VGLL4: variants seen among roughly 807,000 people sequenced by gnomAD.
VGLL4 encodes the protein vestigial like family member 4.
VGLL4 carries 7 observed loss-of-function variants against 21.0 expected under a neutral mutation model. The observed-to-expected ratio is 0.33, with a 90% confidence interval of 0.19 to 0.63. The LOEUF is 0.63. Ranked by LOEUF, VGLL4 falls within the 20% of genes least tolerant of loss-of-function variation. The pLI is 0.78. For missense variants in VGLL4, 394 were observed against 425.7 expected, an observed-to-expected ratio of 0.93 and a Z score of 0.66; for synonymous variants, 222 against 173.2, an observed-to-expected ratio of 1.28 and a Z score of -2.21.
intron 2 of VGLL4, among the ~76,000 whole-genome samples, chr3:11,588,994 G>A (rs773829884): frequency 9.2e-5 from 14 of 152,200 alleles, no homozygotes; most frequent in Admixed American, 6.5e-4. Context: ...GAGCCCTGGA[G>A]AATACCAATA....
intron 3 of VGLL4, among the ~76,000 whole-genome samples, chr3:11,559,753 A>C (rs1314550705): frequency 6.6e-6 from 1 of 152,136 alleles, no homozygotes; most frequent in Non-Finnish European, 1.5e-5. Context: ...GTTAAGACAA[A>C]CACCGGGCAT....
At chr3:11,573,174 A>AAGAC (rs1000092869) in intron 2 of VGLL4, among the ~76,000 whole-genome samples, 5 of 151,536 alleles carry the variant, frequency 3.3e-5, no homozygotes, top group Admixed American at 2.0e-4. Context: ...TCAAGAAAGA[A>AAGAC]AGACAGACAG....
chr3:11,672,679 G>C (rs987368389), intron 2 of VGLL4, among the ~76,000 whole-genome samples: 2 of 152,184 alleles, frequency 1.3e-5, no homozygotes, highest in African/African-American at 4.8e-5. Context: ...TCACTGTACA[G>C]GTGAGGACAC....
intron 2 of VGLL4, among the ~76,000 whole-genome samples, chr3:11,685,198 TTG>T (rs1395346378): frequency 1.9e-5 from 2 of 102,958 alleles, no homozygotes; most frequent in South Asian, 4.0e-4. Context: ...TTCCATGGTG[TTG>T]TTTTTTTTTT....
At chr3:11,646,988 T>G (rs1010264934), upstream of VGLL4, among the ~76,000 whole-genome samples, 1 of 152,238 alleles carries the variant, frequency 6.6e-6, no homozygotes, top group African/African-American at 2.4e-5. Flanking sequence ...ATCTTAATAT[T>G]AAAGAAATTT....
intron 2 of VGLL4, among the ~76,000 whole-genome samples, chr3:11,590,684 G>C (rs200851609): frequency 0.22 from 33,146 of 149,162 alleles, 4,170 homozygotes; most frequent in African/African-American, 0.33. Context: ...GTGTGTGTGT[G>C]TGTGTGTGTG....
chr3:11,582,139 C>A, intron 2 of VGLL4: 1 of 919,638 alleles, frequency 1.1e-6, no homozygotes, highest in Non-Finnish European at 1.7e-6. Flanking sequence ...AAAATCACTG[C>A]TGTCCCTTCT....
chr3:11,563,822 G>A (rs2073264134), intron 3 of VGLL4, among the ~76,000 whole-genome samples: 1 of 152,152 alleles, frequency 6.6e-6, no homozygotes, highest in African/African-American at 2.4e-5. Context: ...GAGGCAAGAT[G>A]GGCAACTGTT....
intron 2 of VGLL4, among the ~76,000 whole-genome samples, chr3:11,696,520 A>C (rs1415950300): frequency 1.3e-5 from 2 of 152,324 alleles, no homozygotes; most frequent in East Asian, 3.9e-4. Flanking sequence ...AGATCATCCC[A>C]GTGCATACAA....
chr3:11,574,785 A>AGGTGTG (rs2073981900), intron 2 of VGLL4, among the ~76,000 whole-genome samples: 1 of 121,700 alleles, frequency 8.2e-6, no homozygotes, highest in Admixed American at 8.3e-5. Context: ...TCAACTATAT[A>AGGTGTG]TGTGTGTGTG....
At chr3:11,681,751 G>T (rs887103404) in intron 2 of VGLL4, among the ~76,000 whole-genome samples, 1 of 152,240 alleles carries the variant, frequency 6.6e-6, no homozygotes, top group African/African-American at 2.4e-5. Context: ...ATGAGTGTCA[G>T]ATGCAGCCCA....
Position 11,718,630 on chromosome 3 carries a change from T to A in VGLL4, c.-14+1764A>T, listed in dbSNP as rs78260553. Among the ~76,000 whole-genome samples, 293 of 152,198 alleles carry A rather than the reference T, an allele frequency of 1.9e-3. 9 individuals carry two copies. The East Asian group carries it at 0.05, about 26-fold the overall frequency. ...AATTTTTTTTTTGTCTTTGACTATT[T>A]AGAGGAAACAACTGCCAGACTCCTT... On this transcript the variant is annotated intron_variant, in intron 1 of 5. Coordinates refer to the VGLL4 transcript ENST00000273038.
intron 1 of VGLL4, among the ~76,000 whole-genome samples, chr3:11,638,101 C>G (rs1328847252): frequency 6.6e-6 from 1 of 152,170 alleles, no homozygotes; most frequent in African/African-American, 2.4e-5. Flanking sequence ...ATCCAGTTTT[C>G]TGCAACATCC....
chr3:11,640,110 C>T (rs2075661334), intron 1 of VGLL4, among the ~76,000 whole-genome samples: 1 of 152,138 alleles, frequency 6.6e-6, no homozygotes, highest in Non-Finnish European at 1.5e-5. Flanking sequence ...ATAGAGAATA[C>T]AAGGCAGTAT....
At chr3:11,650,719 AC>A (rs2075858406) in intron 2 of VGLL4, among the ~76,000 whole-genome samples, 13 of 27,940 alleles carry the variant, frequency 4.7e-4, no homozygotes, top group Admixed American at 1.4e-3. Context: ...CACATAGAAA[AC>A]ACACACACAC....
chr3:11,597,507 T>C (rs934676448), intron 2 of VGLL4, among the ~76,000 whole-genome samples: 18 of 152,150 alleles, frequency 1.2e-4, no homozygotes, highest in Non-Finnish European at 2.5e-4. Flanking sequence ...CTTACATTTG[T>C]TTTATCTGAG....
intron 2 of VGLL4, among the ~76,000 whole-genome samples, chr3:11,679,748 T>C (rs1437790665): frequency 6.6e-6 from 1 of 152,086 alleles, no homozygotes; most frequent in Non-Finnish European, 1.5e-5. Context: ...TGTTCAGCTG[T>C]ACAATGTGTT....
intron 1 of VGLL4, among the ~76,000 whole-genome samples, chr3:11,707,315 CA>C (rs1249186585): frequency 2.6e-5 from 2 of 75,508 alleles, no homozygotes; most frequent in Non-Finnish European, 5.9e-5. Context: ...GCAACAGAGC[CA>C]GACCCTGCCT....
intron 2 of VGLL4, among the ~76,000 whole-genome samples, chr3:11,575,357 T>C (rs568571447): frequency 1.3e-5 from 2 of 152,342 alleles, no homozygotes; most frequent in South Asian, 2.1e-4. Flanking sequence ...GTGACAGTCA[T>C]TAAATCAGCA....
Sources: gnomAD v4.1 joint callset for allele counts (sites outside exome capture counted in the v4.1 genomes callset) on GRCh38, gnomAD v4.1.1 for gene constraint, MANE v1.5 for transcripts, NCBI Gene and HGNC (gene_info 2026-07-23, HGNC 2026-07-21) for gene names.